Variants in NF2 observed in about 807,000 individuals in gnomAD.
The protein encoded by NF2 is NF2, moesin-ezrin-radixin like (MERLIN) tumor suppressor.
Under a neutral mutation model 83.7 loss-of-function variants are expected in NF2, and 8 were observed. That is an observed-to-expected ratio of 0.10 (90% CI 0.06 to 0.17). The LOEUF (loss-of-function observed/expected upper bound fraction) is 0.17. Among genes scored for constraint, NF2 ranks in the 10% least tolerant of loss-of-function variants. The pLI is 1.00. For synonymous variants in NF2, 266 were observed against 269.6 expected (o/e 0.99, Z 0.13); for missense variants, 533 against 744.4 (o/e 0.72, Z 3.31).
rs2067563155 is a variant in NF2, at chr22:29,696,794, C to CA, written c.*1992_*1993insA. The CA allele has an allele frequency of 5.0e-6, 1 of 201,220 alleles. No homozygotes were observed. The highest frequency in any genetic ancestry group is 9.9e-6 in the Non-Finnish European group (1 of 100,618). The allele number at this position is 201,220 out of a possible 1,614,324, so 12.5% of individuals were successfully genotyped here. A position where few individuals can be genotyped will look rare whatever the true frequency, so the allele number is the denominator to read the frequency against. Reference sequence around the variant, plus strand: ...AAGTGAGGTCTGGCTCTGCCTCCTCCGTTTTTTTTTTTTTTCTGTTTCTGT... The same window carrying CA: ...AAGTGAGGTCTGGCTCTGCCTCCTCCAGTTTTTTTTTTTTTTCTGTTTCTGT... On this transcript the variant is annotated 3_prime_UTR_variant, in exon 16 of 16. Transcript: ENST00000338641.
chr22:29,676,797 G>C (rs2066976600), intron 13 of NF2, among the ~76,000 whole-genome samples: 1 of 152,178 alleles, frequency 6.6e-6, no homozygotes, highest in African/African-American at 2.4e-5. Context: ...CTCCAAAGAA[G>C]TCATACCAGT....
At chr22:29,675,557 G>A (rs989788466) in intron 13 of NF2, among the ~76,000 whole-genome samples, 1 of 151,804 alleles carries the variant, frequency 6.6e-6, no homozygotes, top group African/African-American at 2.4e-5. Context: ...GTGTTCTCAG[G>A]GTGCACAGGT....
At chr22:29,661,083 C>A in intron 7 of NF2, 122 bp from the exon 8 acceptor site, 1 of 1,414,162 alleles carries the variant, frequency 7.1e-7, no homozygotes, top group Non-Finnish European at 9.9e-7. Context: ...ACAGCTGTGA[C>A]TTCTGTTGGG....
intron 1 of NF2, among the ~76,000 whole-genome samples, chr22:29,630,388 AT>A (rs2065476075): frequency 6.6e-6 from 1 of 152,266 alleles, no homozygotes. Context: ...TACAAAAAAA[AT>A]AGCAAGCTGA....
rs780097279 is a variant in NF2, at chr22:29,642,187, T to TC, written c.364-15_364-14insC. The stretch of plus-strand genomic sequence containing the variant: ...CACTCACAGAGTATCATGTCTCCCT[T>TC]GTTGCTCCTTTCAGGTAAAGAAGCA... On this transcript the variant is annotated splice_polypyrimidine_tract_variant and intron_variant, in intron 3 of 15. Transcript: ENST00000338641. The TC allele has an allele frequency of 4.0e-5, 65 of 1,605,464 alleles. No homozygotes were observed. Among genetic ancestry groups the TC allele is most frequent in the Non-Finnish European group, 5.5e-5 (65 of 1,172,210 alleles).
chr22:29,614,752 A>G (rs1336712200), intron 1 of NF2, among the ~76,000 whole-genome samples: 1 of 152,100 alleles, frequency 6.6e-6, no homozygotes, highest in Non-Finnish European at 1.5e-5. Context: ...AAAAAAGCTT[A>G]AAATGGATCA....
At chr22:29,613,469 T>G (rs2065005561) in intron 1 of NF2, among the ~76,000 whole-genome samples, 1 of 152,054 alleles carries the variant, frequency 6.6e-6, no homozygotes, top group East Asian at 1.9e-4. Flanking sequence ...AGGTGGAGGT[T>G]GCAGTGAGTC....
intron 13 of NF2, 91 bp from the exon 14 acceptor site, chr22:29,678,105 C>T (rs2067018968): frequency 6.3e-6 from 10 of 1,578,420 alleles, no homozygotes. Flanking sequence ...CCCATTGCCT[C>T]TGTGGCTGCT....
rs2064707618 is a variant in NF2 at position 29,603,875 on chromosome 22, C to T, written c.-124C>T. ...CGCTGGGGACCCGCGCAGCCCAGACCGTTCCCGGGCCGGGCAGCCGGCCAC... is the reference window on the plus strand; with the variant it reads ...CGCTGGGGACCCGCGCAGCCCAGACTGTTCCCGGGCCGGGCAGCCGGCCAC... On this transcript the variant is annotated 5_prime_UTR_variant, in exon 1 of 16. Transcript: ENST00000338641. The T allele has an allele frequency of 9.7e-6, 7 of 720,826 alleles. No homozygotes were observed. The highest frequency in any genetic ancestry group is 1.6e-5 in the Non-Finnish European group (7 of 438,130). 44.7% of individuals were successfully genotyped at this position (720,826 alleles called of 1,614,324 possible).
chr22:29,631,046 C>T (rs2065496495), intron 1 of NF2, among the ~76,000 whole-genome samples: 2 of 152,144 alleles, frequency 1.3e-5, no homozygotes, highest in Admixed American at 1.3e-4. Flanking sequence ...ATCATTGCTT[C>T]GAATCAGTGA....
chr22:29,633,262 C>A (rs2065562284), intron 1 of NF2, among the ~76,000 whole-genome samples: 1 of 152,180 alleles, frequency 6.6e-6, no homozygotes, highest in South Asian at 2.1e-4. Flanking sequence ...GGCACCTTCA[C>A]TCATCTTGTC....
At chr22:29,626,503 A>T (rs1439562995) in intron 1 of NF2, among the ~76,000 whole-genome samples, 1 of 152,178 alleles carries the variant, frequency 6.6e-6, no homozygotes, top group Non-Finnish European at 1.5e-5. Context: ...GTACCTTCTA[A>T]TGTTATTAAA....
rs1326153745 is a variant in NF2, at chr22:29,695,328, C to T, written c.*526C>T. ...GCCGGCTTCTCATCGTCAGGGAGCC[C>T]GCCCAGAGCTCGTGACGAGCAAGTG... On this transcript the variant is annotated 3_prime_UTR_variant, in exon 16 of 16. Coordinates refer to ENST00000338641, the MANE Select transcript of NF2 (RefSeq NM_000268.4). The surrounding 1 kb of genome is among the most constrained non-coding windows in gnomAD (Gnocchi z 5.4). 2 of 268,456 alleles carry T rather than the reference C, an allele frequency of 7.5e-6. No homozygotes were observed. The highest frequency in any genetic ancestry group is 2.1e-5 in the African/African-American group (1 of 46,972). The allele number at this position is 268,456 out of a possible 1,614,324, so 16.6% of individuals were successfully genotyped here.
In NF2 at chr22:29,696,323, G is replaced by A. The variant is rs1445598271; in HGVS notation, c.*1521G>A. The A allele has an allele frequency of 1.4e-5, 3 of 218,050 alleles. No homozygotes were observed. Among genetic ancestry groups the A allele is most frequent in the Non-Finnish European group, 2.8e-5 (3 of 108,676 alleles). 13.5% of individuals were successfully genotyped at this position (218,050 alleles called of 1,614,324 possible). ...CTCACACCTGGGATTACAGGCATGAGCCACTGCACCCAGCCCCTTCTTGCC... is the reference window on the plus strand; with the variant it reads ...CTCACACCTGGGATTACAGGCATGAACCACTGCACCCAGCCCCTTCTTGCC... On this transcript the variant is annotated 3_prime_UTR_variant, in exon 16 of 16. Coordinates refer to ENST00000338641, the MANE Select transcript of NF2 (RefSeq NM_000268.4).
At chr22:29,622,820 T>C (rs1046913856) in intron 1 of NF2, among the ~76,000 whole-genome samples, 2 of 151,788 alleles carry the variant, frequency 1.3e-5, no homozygotes, top group African/African-American at 4.8e-5. Context: ...CACACATGGC[T>C]AATTTTTGTA....
intron 1 of NF2, among the ~76,000 whole-genome samples, chr22:29,614,033 A>C (rs1444447306): frequency 6.6e-6 from 1 of 150,660 alleles, no homozygotes; most frequent in African/African-American, 2.4e-5. Context: ...CTGGGATTAC[A>C]GGTGTGAGCC....
chr22:29,609,957 G>A (rs1464075820), intron 1 of NF2, among the ~76,000 whole-genome samples: 1 of 151,828 alleles, frequency 6.6e-6, no homozygotes, highest in African/African-American at 2.4e-5. Flanking sequence ...TTATATGCTT[G>A]GTAATATGAG....
chr22:29,684,644 C>T (rs192699465), intron 15 of NF2, among the ~76,000 whole-genome samples: 144 of 152,252 alleles, frequency 9.5e-4, no homozygotes, highest in African/African-American at 3.3e-3. Flanking sequence ...TTTATTCATC[C>T]ATTTTAATGT....
intron 1 of NF2, among the ~76,000 whole-genome samples, chr22:29,633,873 C>G (rs2065579494): frequency 6.6e-6 from 1 of 152,238 alleles, no homozygotes; most frequent in Non-Finnish European, 1.5e-5. Flanking sequence ...CAGTGTCTAA[C>G]ATTGGTTGGC....
Sources: allele counts gnomAD v4.1 joint callset (sites outside exome capture counted in the v4.1 genomes callset), GRCh38; gene constraint gnomAD v4.1.1; non-coding constraint Gnocchi (gnomAD v3.1); transcripts MANE v1.5; gene names NCBI Gene and HGNC (gene_info 2026-07-23, HGNC 2026-07-21).